MACC1: variants seen among roughly 807,000 people sequenced by gnomAD.
MACC1 encodes the protein metastasis-associated in colon cancer protein 1.
A neutral mutation model predicts 70.7 loss-of-function variants in MACC1; 79 were observed. That is an observed-to-expected ratio of 1.12 (90% confidence interval 0.93 to 1.35). MACC1 has a LOEUF of 1.35. Among genes scored for constraint, MACC1 ranks in the 40% most tolerant of loss-of-function variants. The pLI, the probability that MACC1 is intolerant of heterozygous loss-of-function variation, is 0.00. For synonymous variants in MACC1, 361 were observed against 347.2 expected (o/e 1.04, Z -0.44); for missense variants, 1,106 against 978.1 (o/e 1.13, Z -1.74).
intron 1 of MACC1, among the ~76,000 whole-genome samples, chr7:20,203,799 G>C (rs757639564): frequency 7.2e-5 from 11 of 152,034 alleles, no homozygotes; most frequent in Non-Finnish European, 1.5e-4. Context: ...AATCGTCTTG[G>C]AATCCTAATT....
intron 1 of MACC1, among the ~76,000 whole-genome samples, chr7:20,209,922 A>C (rs1562604610): frequency 6.6e-6 from 1 of 152,026 alleles, no homozygotes; most frequent in Non-Finnish European, 1.5e-5. Context: ...ATGCTTTTAT[A>C]ATTGTCCGGC....
chr7:20,174,658 G>A (rs1004694464), intron 1 of MACC1, among the ~76,000 whole-genome samples: 2 of 151,868 alleles, frequency 1.3e-5, no homozygotes, highest in Non-Finnish European at 2.9e-5. Flanking sequence ...ATTTCAAATG[G>A]CATTTCCCTA....
rs529774690 is a variant in MACC1, at chr7:20,184,514, A to C, written c.-217-13736T>G. Among the ~76,000 whole-genome samples, 9 of 152,350 alleles carry C rather than the reference A, an allele frequency of 5.9e-5. No individual in the cohort carries two copies. In the East Asian group the frequency reaches 1.7e-3, roughly 29 times the overall value. ...CTCTTAGCTAACTACTTCACTAAAA[A>C]ATAGAAGCAAGCAGCAAAGAATTGT... is the stretch of plus-strand genomic sequence containing the variant. On this transcript the variant is annotated intron_variant, in intron 1 of 6. Coordinates refer to ENST00000400331, the MANE Select transcript of MACC1 (RefSeq NM_182762.4).
At position 20,137,207 on chromosome 7, in the gene MACC1, C is replaced by A. The variant is rs1451938980; in HGVS notation, c.*3739G>T. Reference sequence around the variant, plus strand: ...AGCATTGTACAAATTTGAGTGTATGCATGTTCTCTTTTGCATGTTCACATT... The same window carrying A: ...AGCATTGTACAAATTTGAGTGTATGAATGTTCTCTTTTGCATGTTCACATT... On this transcript the variant is annotated 3_prime_UTR_variant, in exon 7 of 7. Coordinates refer to ENST00000400331, the MANE Select transcript of MACC1 (RefSeq NM_182762.4). 2 of 152,218 alleles carry A rather than the reference C, an allele frequency of 1.3e-5. No homozygotes were observed. Among genetic ancestry groups the A allele is most frequent in the East Asian group, 3.9e-4 (2 of 5,186 alleles). 9.4% of individuals were successfully genotyped at this position (152,218 alleles called of 1,614,324 possible).
At chr7:20,213,292 C>T (rs1190825775) in intron 1 of MACC1, among the ~76,000 whole-genome samples, 7 of 152,092 alleles carry the variant, frequency 4.6e-5, no homozygotes, top group Non-Finnish European at 1.0e-4. Context: ...CTGGTGAGGT[C>T]GTAGAGAAAA....
In MACC1 at chr7:20,215,490, C is replaced by T. The variant is rs577115173; in HGVS notation, c.-218+1809G>A. ...AGTGTTCAGTGCCTCTGCAGCTTTC[C>T]TCCACCTTTGGAGAATTACAAGTTT... On this transcript the variant is annotated intron_variant, in intron 1 of 6. Coordinates refer to ENST00000400331, the MANE Select transcript of MACC1 (RefSeq NM_182762.4). 3.3e-5 allele frequency among the ~76,000 whole-genome samples: 5 copies of T among 152,334 alleles called. No individual in the cohort carries two copies. In the East Asian group the frequency reaches 5.8e-4, roughly 18 times the overall value.
chr7:20,178,668 C>T (rs547219677), intron 1 of MACC1, among the ~76,000 whole-genome samples: 2 of 152,300 alleles, frequency 1.3e-5, no homozygotes, highest in African/African-American at 4.8e-5. Context: ...GGCGCGATCT[C>T]GGCTCACCGC....
intron 6 of MACC1, among the ~76,000 whole-genome samples, chr7:20,148,154 C>T (rs1042156420): frequency 1.3e-4 from 19 of 148,506 alleles, no homozygotes; most frequent in Non-Finnish European, 1.7e-4. Context: ...CCCTTGCTTT[C>T]CCCTTCTGGC....
At chr7:20,191,188 A>G (rs981149866) in intron 1 of MACC1, among the ~76,000 whole-genome samples, 1 of 152,224 alleles carries the variant, frequency 6.6e-6, no homozygotes. Flanking sequence ...AGGCTGAAAG[A>G]TCAAACAGCA....
intron 1 of MACC1, among the ~76,000 whole-genome samples, chr7:20,202,747 C>T (rs1022133613): frequency 5.3e-5 from 8 of 152,284 alleles, no homozygotes; most frequent in Admixed American, 2.6e-4. Flanking sequence ...TGAAATCGAG[C>T]TAGTTTTACT....
intron 1 of MACC1, among the ~76,000 whole-genome samples, chr7:20,172,700 A>G (rs1782326889): frequency 6.6e-6 from 1 of 152,208 alleles, no homozygotes; most frequent in South Asian, 2.1e-4. Flanking sequence ...CTTTCAATTG[A>G]CCTAAAAGTT....
intron 6 of MACC1, chr7:20,153,365 T>C (rs546295612): frequency 6.6e-6 from 1 of 152,228 alleles, no homozygotes; most frequent in Non-Finnish European, 1.5e-5. Flanking sequence ...AAGTGAAGAA[T>C]ACAGCTTCTG....
intron 1 of MACC1, among the ~76,000 whole-genome samples, chr7:20,183,121 A>G (rs1002427742): frequency 1.3e-5 from 2 of 152,124 alleles, no homozygotes; most frequent in Non-Finnish European, 2.9e-5. Flanking sequence ...GGCAAAAGGG[A>G]ATTTTTGGTG....
chr7:20,206,409 C>G (rs1172026802), intron 1 of MACC1, among the ~76,000 whole-genome samples: 1 of 152,062 alleles, frequency 6.6e-6, no homozygotes, highest in Non-Finnish European at 1.5e-5. Flanking sequence ...TAGCTCTTCC[C>G]TTCTTGAGAA....
chr7:20,158,447 C>G lies in MACC1; in HGVS notation c.1914G>C (p.Gln638His), dbSNP rs1360303438. 1 of 1,613,998 alleles carries G rather than the reference C, an allele frequency of 6.2e-7. No individual in the cohort carries two copies. Among genetic ancestry groups the G allele is most frequent in the Admixed American group, 1.7e-5 (1 of 59,994 alleles). ...SVFTTRNLLE[Q>H]IVLPLKKLTY... ...TCAATTTTTTTAAAGGCAGGACAATCTGTTCAAGAAGATTTCTGGTTGTAA... is the reference window on the plus strand; with the variant it reads ...TCAATTTTTTTAAAGGCAGGACAATGTGTTCAAGAAGATTTCTGGTTGTAA... The change falls in exon 5 of 7, where the codon CAG (glutamine) becomes CAC (histidine). Residue 638 changes from glutamine (Q) to histidine (H), a missense_variant. Coordinates refer to ENST00000400331, the MANE Select transcript of MACC1 (RefSeq NM_182762.4).
At position 20,160,683 on chromosome 7, in the gene MACC1, G is replaced by C. The variant is rs181061029; in HGVS notation, c.116-438C>G. Among the ~76,000 whole-genome samples, 11 of 151,768 alleles carry C rather than the reference G, an allele frequency of 7.2e-5. No homozygotes were observed. The East Asian group carries it at 9.7e-4, about 13-fold the overall frequency. On this transcript the variant is annotated intron_variant, in intron 4 of 6. Transcript: ENST00000400331. ...ATATTTTTCTAAGCACTGAATTGTTGGTTTCATTACATTCAGAATATTAAT... is the reference window on the plus strand; with the variant it reads ...ATATTTTTCTAAGCACTGAATTGTTCGTTTCATTACATTCAGAATATTAAT...
intron 1 of MACC1, among the ~76,000 whole-genome samples, chr7:20,195,176 T>C (rs1474885465): frequency 6.6e-6 from 1 of 152,206 alleles, no homozygotes; most frequent in African/African-American, 2.4e-5. Flanking sequence ...TTGTGTGCAG[T>C]AAGTTCTCAC....
chr7:20,209,947 C>G (rs1782972117), intron 1 of MACC1, among the ~76,000 whole-genome samples: 1 of 152,194 alleles, frequency 6.6e-6, no homozygotes, highest in African/African-American at 2.4e-5. Context: ...TCCCTGCTGG[C>G]ACTCATTCTC....
At chr7:20,201,186 A>G (rs12540279) in intron 1 of MACC1, among the ~76,000 whole-genome samples, 13,326 of 152,226 alleles carry the variant, frequency 0.088, 676 homozygotes, top group Non-Finnish European at 0.12. Flanking sequence ...GAGGGAAGAA[A>G]GAAGCAGCAG....
Sources: gnomAD v4.1 joint callset for allele counts (sites outside exome capture counted in the v4.1 genomes callset) on GRCh38, gnomAD v4.1.1 for gene constraint, MANE v1.5 for transcripts, NCBI Gene and HGNC (gene_info 2026-07-23, HGNC 2026-07-21) for gene names.